Variants in PTPN5 observed in about 807,000 individuals in gnomAD.
The protein encoded by PTPN5 is tyrosine-protein phosphatase non-receptor type 5.
PTPN5 carries 29 observed loss-of-function variants against 73.9 expected under a neutral mutation model. The observed-to-expected ratio is 0.39, with a 90% confidence interval of 0.29 to 0.54. The LOEUF is 0.54. PTPN5 is among the 20% of genes least tolerant of loss of function. The pLI is 0.65. For synonymous variants in PTPN5, 267 were observed against 304.7 expected, an observed-to-expected ratio of 0.88 and a Z score of 1.29; for missense variants, 652 against 751.4, an observed-to-expected ratio of 0.87 and a Z score of 1.55.
chr11:18,746,192 T>TATATATATATATAC (rs550537453), intron 3 of PTPN5, among the ~76,000 whole-genome samples: 1,939 of 102,510 alleles, frequency 0.019, 120 homozygotes, highest in Middle Eastern at 0.047. Context: ...TATATATATA[T>TATATATATATATAC]ACATTTTTTT....
intron 1 of PTPN5, among the ~76,000 whole-genome samples, chr11:18,789,279 G>C (rs1024910152): frequency 7.2e-5 from 11 of 152,160 alleles, no homozygotes; most frequent in Non-Finnish European, 1.2e-4. Flanking sequence ...CCTTCATAAA[G>C]CAAAAGAAGC....
chr11:18,729,926 C>A lies in PTPN5; in HGVS notation c.1330-108G>T, dbSNP rs1848799662. On this transcript the variant is annotated intron_variant, in intron 12 of 14. Coordinates refer to ENST00000358540, the MANE Select transcript of PTPN5 (RefSeq NM_006906.2). This position sits in a 1 kb window ranked among gnomAD's most constrained non-coding sequence, Gnocchi z 5.2. ...AAGGAGGAAGAACACAGGAAGAACA[C>A]TGAGAGTGGGACCCCTTCACCCTTC... is the stretch of plus-strand genomic sequence containing the variant. 2.1e-6 allele frequency: 3 copies of A among 1,425,134 alleles called. No homozygotes were observed. Among genetic ancestry groups the A allele is most frequent in the Non-Finnish European group, 2.9e-6 (3 of 1,017,190 alleles). The allele number at this position is 1,425,134 out of a possible 1,614,324, so 88.3% of individuals were successfully genotyped here.
chr11:18,783,454 C>T (rs1037155536), intron 1 of PTPN5, among the ~76,000 whole-genome samples: 11 of 152,250 alleles, frequency 7.2e-5, no homozygotes, highest in East Asian at 1.9e-4. Flanking sequence ...CTCTGACCTC[C>T]GTCCTGGGCA....
intron 8 of PTPN5, among the ~76,000 whole-genome samples, chr11:18,739,430 G>A (rs1021695689): frequency 3.3e-5 from 5 of 152,210 alleles, no homozygotes; most frequent in Non-Finnish European, 5.9e-5. Context: ...AGAAAGGCAC[G>A]GACGAGACTG....
At chr11:18,775,467 G>A (rs890618265) in intron 1 of PTPN5, among the ~76,000 whole-genome samples, 1 of 152,208 alleles carries the variant, frequency 6.6e-6, no homozygotes, top group African/African-American at 2.4e-5. Flanking sequence ...GATCACTGCT[G>A]TTCTCCCCAG....
chr11:18,760,837 G>A (rs1043218960), intron 3 of PTPN5, among the ~76,000 whole-genome samples: 10 of 152,248 alleles, frequency 6.6e-5, no homozygotes, highest in African/African-American at 2.4e-4. Context: ...CTCAACTAGA[G>A]TCTGTTAGCA....
In PTPN5 at chr11:18,744,044, T is replaced by C; in HGVS notation, c.253A>G (p.Arg85Gly). 6.2e-7 allele frequency: 1 copy of C among 1,608,988 alleles called. No individual in the cohort carries two copies. Among genetic ancestry groups the C allele is most frequent in the Non-Finnish European group, 8.5e-7 (1 of 1,177,722 alleles). ...GCAGCGAACAGGCACAGGCTGCTCC[T>C]GACAGTGAGGGAGTGGCTCCCAGCG... ...RGAGSHSLTV[R>G]SSLCLFAASQ... Residue 85 changes from arginine (R) to glycine (G), a missense_variant, in exon 4 of 15, where the codon AGG (arginine) becomes GGG (glycine). Arg to Gly is a moderately radical substitution (Grantham distance 125, BLOSUM62 -2). Coordinates refer to ENST00000358540, the MANE Select transcript of PTPN5 (RefSeq NM_006906.2).
rs532580062 is a variant in PTPN5, at chr11:18,751,168, T to A, written c.98-6969A>T. ...TGCTGGGCACTGCTGTGATCTCTGTTCTCACTGGGAGAGGCTGGAGGTGGC... is the reference window on the plus strand; with the variant it reads ...TGCTGGGCACTGCTGTGATCTCTGTACTCACTGGGAGAGGCTGGAGGTGGC... On this transcript the variant is annotated intron_variant, in intron 3 of 14. Coordinates refer to ENST00000358540, the MANE Select transcript of PTPN5 (RefSeq NM_006906.2). Among the ~76,000 whole-genome samples the A allele has an allele frequency of 8.1e-4, 124 of 152,308 alleles. 1 individual carries two copies. In the South Asian group the frequency reaches 8.9e-3, roughly 11 times the overall value.
At chr11:18,766,829 A>C (rs1329647034) in intron 2 of PTPN5, among the ~76,000 whole-genome samples, 4 of 152,192 alleles carry the variant, frequency 2.6e-5, no homozygotes, top group Non-Finnish European at 5.9e-5. Context: ...GACTGATCCA[A>C]GGCTGAACAC....
intron 1 of PTPN5, among the ~76,000 whole-genome samples, chr11:18,789,654 T>C (rs4643052): frequency 0.21 from 32,492 of 152,178 alleles, 4,182 homozygotes; most frequent in South Asian, 0.37. Flanking sequence ...AAGTTCTCGA[T>C]GGAACTGGAG....
At chr11:18,757,028 G>A (rs1353640514) in intron 3 of PTPN5, among the ~76,000 whole-genome samples, 1 of 152,094 alleles carries the variant, frequency 6.6e-6, no homozygotes, top group Non-Finnish European at 1.5e-5. Context: ...ATGTGTGTGT[G>A]TGAAATTCCA....
Position 18,733,188 on chromosome 11 carries a change from T to C in PTPN5, c.1218+47A>G, listed in dbSNP as rs1291184870. 2.5e-6 allele frequency: 4 copies of C among 1,590,198 alleles called. No individual in the cohort carries two copies. In the East Asian group the frequency reaches 9.0e-5, roughly 36 times the overall value. ...TAATTTGAGAACAAGATACTTAGTG[T>C]AGGGCGCAATGTAGCAGACACTTAG... On this transcript the variant is annotated intron_variant, in intron 11 of 14. Coordinates refer to ENST00000358540, the MANE Select transcript of PTPN5 (RefSeq NM_006906.2). This position sits in a 1 kb window ranked among gnomAD's most constrained non-coding sequence, Gnocchi z 4.3.
chr11:18,728,978 T>A lies in PTPN5; in HGVS notation c.1654A>T (p.Met552Leu). 1 of 1,613,726 alleles carries A rather than the reference T, an allele frequency of 6.2e-7. No individual in the cohort carries two copies. Among genetic ancestry groups the A allele is most frequent in the Non-Finnish European group, 8.5e-7 (1 of 1,179,868 alleles). ...GACAGCTGCTTTTCGTAGAGGCTCATGACGTGGTGCACAAACTGGTACTGC... is the reference window on the plus strand; with the variant it reads ...GACAGCTGCTTTTCGTAGAGGCTCAAGACGTGGTGCACAAACTGGTACTGC... Reference protein sequence around the residue: ...CEQYQFVHHVMSLYEKQLSHQ... With the variant: ...CEQYQFVHHVLSLYEKQLSHQ... The change falls in exon 15 of 15, where the codon ATG becomes TTG. Residue 552 changes from methionine (M) to leucine (L), a missense_variant. By Grantham distance (15) the Met-to-Leu change is conservative (BLOSUM62 2). Coordinates refer to ENST00000358540, the MANE Select transcript of PTPN5 (RefSeq NM_006906.2). This position sits in a 1 kb window ranked among gnomAD's most constrained non-coding sequence, Gnocchi z 4.1.
At chr11:18,740,405 T>C in intron 8 of PTPN5, 198 bp downstream of exon 8, 1 of 454,006 alleles carries the variant, frequency 2.2e-6, no homozygotes, top group Non-Finnish European at 3.9e-6. Flanking sequence ...ATTCTATTAT[T>C]TTCATCCCCA....
intron 8 of PTPN5, among the ~76,000 whole-genome samples, chr11:18,739,115 G>A (rs1464133047): frequency 1.3e-5 from 2 of 152,018 alleles, no homozygotes; most frequent in East Asian, 3.9e-4. Flanking sequence ...ACTTCACACT[G>A]TTCATTGTTT....
intron 4 of PTPN5, 176 bp downstream of exon 4, chr11:18,743,830 A>G (rs1849487890): frequency 4.3e-6 from 3 of 695,312 alleles, no homozygotes; most frequent in Non-Finnish European, 6.7e-6. Context: ...CTGGTGCGGT[A>G]GCTCAGAATT....
In PTPN5 at chr11:18,742,771, C is replaced by T. The variant is rs1000390735; in HGVS notation, c.483+221G>A. 2.0e-5 allele frequency among the ~76,000 whole-genome samples: 3 copies of T among 152,202 alleles called. No individual in the cohort carries two copies. The East Asian group carries it at 5.8e-4, about 29-fold the overall frequency. On this transcript the variant is annotated intron_variant, in intron 6 of 14. Transcript: ENST00000358540. This position sits in a 1 kb window ranked among gnomAD's most constrained non-coding sequence, Gnocchi z 4.1. ...GCTTGGGAGTTCCTACACCAGTCTTCTCCCTGTCTCATCCCCTTTCCTTAG... is the reference window on the plus strand; with the variant it reads ...GCTTGGGAGTTCCTACACCAGTCTTTTCCCTGTCTCATCCCCTTTCCTTAG...
chr11:18,792,006 C>G (rs1401913152), upstream of PTPN5: 1 of 152,314 alleles, frequency 6.6e-6, no homozygotes, highest in Non-Finnish European at 1.5e-5. Flanking sequence ...CCGAGCAACT[C>G]TGCGCGGAGT....
intron 12 of PTPN5, 80 bp downstream of exon 12, chr11:18,732,512 G>A (rs1848925909): frequency 3.0e-6 from 3 of 1,002,928 alleles, no homozygotes; most frequent in African/African-American, 1.6e-5. Flanking sequence ...AGTGGACTTG[G>A]GGGACCTGTT....
Sources: gnomAD v4.1 joint callset for allele counts (sites outside exome capture counted in the v4.1 genomes callset) on GRCh38, gnomAD v4.1.1 for gene constraint, Gnocchi (gnomAD v3.1) non-coding constraint, MANE v1.5 for transcripts, NCBI Gene and HGNC (gene_info 2026-07-23, HGNC 2026-07-21) for gene names.